Variants in B3GAT1 observed in about 807,000 individuals in gnomAD.
B3GAT1 encodes the protein galactosylgalactosylxylosylprotein 3-beta-glucuronosyltransferase 1.
In B3GAT1, 11 loss-of-function variants were observed where a neutral mutation model predicts 28.4. The observed-to-expected ratio is 0.39, with a 90% CI of 0.24 to 0.64. The LOEUF (loss-of-function observed/expected upper bound fraction) is 0.64, where lower values mean the gene tolerates loss of function less well. Among genes scored for constraint, B3GAT1 ranks in the 30% least tolerant of loss-of-function variants. The pLI, the probability that B3GAT1 is intolerant of heterozygous loss-of-function variation, is 0.50. For synonymous variants in B3GAT1, 255 were observed against 223.1 expected, an observed-to-expected ratio of 1.14 and a Z score of -1.27; for missense variants, 375 against 491.0, an observed-to-expected ratio of 0.76 and a Z score of 2.23.
In B3GAT1 at chr11:134,384,207, G is replaced by T; in HGVS notation, c.113-19C>A. Reference sequence around the variant, plus strand: ...CCCTCATCTGCGGAGTCGGGAGACCGGCGATGTGGGAGGAGAGCGCCGGCT... The same window carrying T: ...CCCTCATCTGCGGAGTCGGGAGACCTGCGATGTGGGAGGAGAGCGCCGGCT... On this transcript the variant is annotated intron_variant, in intron 2 of 5. Transcript: ENST00000312527. 1 of 1,521,618 alleles carries T rather than the reference G, an allele frequency of 6.6e-7. No homozygotes were observed. The highest frequency in any genetic ancestry group is 8.8e-7 in the Non-Finnish European group (1 of 1,136,186). 94.3% of individuals were successfully genotyped at this position (1,521,618 alleles called of 1,614,324 possible). A position where few individuals can be genotyped will look rare whatever the true frequency, so the allele number is the denominator to read the frequency against.
intron 4 of B3GAT1, among the ~76,000 whole-genome samples, chr11:134,382,277 A>G (rs1944145284): frequency 6.6e-6 from 1 of 151,636 alleles, no homozygotes; most frequent in South Asian, 2.1e-4. Context: ...GTCTAGAACT[A>G]CAGAAAAGAG....
chr11:134,407,867 G>C (rs1371587010), intron 1 of B3GAT1, among the ~76,000 whole-genome samples: 2 of 152,156 alleles, frequency 1.3e-5, no homozygotes, highest in African/African-American at 4.8e-5. Context: ...TAAGTGCTTG[G>C]TCAGTGTTGG....
intron 1 of B3GAT1, among the ~76,000 whole-genome samples, chr11:134,398,201 C>T (rs116503076): frequency 0.015 from 2,326 of 152,310 alleles, 49 homozygotes; most frequent in African/African-American, 0.05. Flanking sequence ...GGCCGGCACC[C>T]CGTGAGTCAG....
At chr11:134,385,165 C>G (rs939532328) in intron 2 of B3GAT1, 2 of 152,248 alleles carry the variant, frequency 1.3e-5, no homozygotes, top group African/African-American at 4.8e-5. Flanking sequence ...AATGAGTCCA[C>G]AAGGGCTGAG....
In B3GAT1 at chr11:134,403,921, C is replaced by T. The variant is rs535614118; in HGVS notation, c.-282+7886G>A. ...ATAGAGACAGAAACTAGGATGGTGG[C>T]TTGTGGGGGCTGGGATGTTGTGGAG... On this transcript the variant is annotated intron_variant, in intron 1 of 5. Coordinates refer to ENST00000312527, the MANE Select transcript of B3GAT1 (RefSeq NM_054025.3). 8.5e-5 allele frequency among the ~76,000 whole-genome samples: 12 copies of T among 140,438 alleles called. No individual in the cohort carries two copies. The East Asian group carries it at 2.4e-3, about 28-fold the overall frequency. 92.1% of individuals were successfully genotyped at this position (140,438 alleles called of 152,430 possible).
At chr11:134,383,396 T>A (rs1944181806) in intron 3 of B3GAT1, among the ~76,000 whole-genome samples, 1 of 152,048 alleles carries the variant, frequency 6.6e-6, no homozygotes, top group Admixed American at 6.5e-5. Flanking sequence ...AGGTTTCTGG[T>A]AGTCACGCAG....
chr11:134,386,943 A>C (rs1481407749), intron 2 of B3GAT1: 1 of 153,248 alleles, frequency 6.5e-6, no homozygotes, highest in Non-Finnish European at 1.5e-5. Flanking sequence ...CACACTTTTC[A>C]TATGCAAACT....
At chr11:134,381,805 G>T in intron 5 of B3GAT1, 119 bp downstream of exon 5, 1 of 785,264 alleles carries the variant, frequency 1.3e-6, no homozygotes, top group Non-Finnish European at 2.1e-6. Context: ...CTCCACTCCT[G>T]CCCACATCTG....
intron 1 of B3GAT1, among the ~76,000 whole-genome samples, chr11:134,407,955 G>C (rs548224000): frequency 2.6e-4 from 39 of 149,766 alleles, no homozygotes; most frequent in African/African-American, 9.8e-4. Flanking sequence ...TCACAGATCT[G>C]GAATTTTGGT....
rs1591642118 is a variant in B3GAT1 at position 134,393,518 on chromosome 11, C to T, written c.-281-5578G>A. On this transcript the variant is annotated intron_variant, in intron 1 of 5. Coordinates refer to ENST00000312527, the MANE Select transcript of B3GAT1 (RefSeq NM_054025.3). The surrounding 1 kb of genome is among the most constrained non-coding windows in gnomAD (Gnocchi z 4.0). Reference sequence around the variant, plus strand: ...CACTTGGTGAGCAGTCTGAGTGTAGCACCCTTTAGAATATGACTTTTCCCT... The same window carrying T: ...CACTTGGTGAGCAGTCTGAGTGTAGTACCCTTTAGAATATGACTTTTCCCT... Among the ~76,000 whole-genome samples, 2 of 152,362 alleles carry T rather than the reference C, an allele frequency of 1.3e-5. No individual in the cohort carries two copies. The highest frequency in any genetic ancestry group is 3.9e-4 in the East Asian group (2 of 5,190).
In B3GAT1 at chr11:134,405,315, T is replaced by C. The variant is rs534492941; in HGVS notation, c.-282+6492A>G. 2.0e-5 allele frequency among the ~76,000 whole-genome samples: 3 copies of C among 152,262 alleles called. No individual in the cohort carries two copies. The East Asian group carries it at 5.8e-4, about 29-fold the overall frequency. ...CTACGGGGACCCAGAGGGCTTCAGG[T>C]CCGGGCTAGGTAGGCACCGGGCAGC... is the stretch of plus-strand genomic sequence containing the variant. On this transcript the variant is annotated intron_variant, in intron 1 of 5. Transcript: ENST00000312527.
chr11:134,382,409 ATG>A (rs3065378), intron 4 of B3GAT1, among the ~76,000 whole-genome samples: 93,781 of 152,048 alleles, frequency 0.62, 30,431 homozygotes, highest in East Asian at 0.87. Flanking sequence ...GTGCATCTGC[ATG>A]TGTGTGTGCG....
Position 134,382,623 on chromosome 11 carries a change from C to T in B3GAT1, c.918+87G>A, listed in dbSNP as rs576517113. On this transcript the variant is annotated intron_variant, in intron 4 of 5. Transcript: ENST00000312527. ...CAGAAAGCCCAGGCTATTTTGAGGC[C>T]TCTGTTTCCTTCTCCCGATCTGTAG... The T allele has an allele frequency of 7.4e-5, 110 of 1,491,734 alleles. No homozygotes were observed. The African/African-American group carries it at 1.3e-3, about 18-fold the overall frequency. 92.4% of individuals were successfully genotyped at this position (1,491,734 alleles called of 1,614,324 possible). A position where few individuals can be genotyped will look rare whatever the true frequency, so the allele number is the denominator to read the frequency against.
intron 1 of B3GAT1, among the ~76,000 whole-genome samples, chr11:134,403,012 A>G (rs1356873332): frequency 1.3e-5 from 2 of 151,700 alleles, no homozygotes; most frequent in Admixed American, 1.3e-4. Context: ...ACAGCAGAGG[A>G]GGTGTGGGTG....
chr11:134,404,648 A>G (rs933656609), intron 1 of B3GAT1, among the ~76,000 whole-genome samples: 2 of 152,042 alleles, frequency 1.3e-5, no homozygotes, highest in Admixed American at 1.3e-4. Context: ...TGCCTGCGGG[A>G]GGCCCCCCTC....
chr11:134,395,884 T>C (rs1277861267), intron 1 of B3GAT1, among the ~76,000 whole-genome samples: 1 of 152,196 alleles, frequency 6.6e-6, no homozygotes, highest in African/African-American at 2.4e-5. Flanking sequence ...TGCGAAGTAT[T>C]GGCAGGGCTG....
intron 1 of B3GAT1, among the ~76,000 whole-genome samples, chr11:134,402,407 G>T (rs1173079379): frequency 6.6e-6 from 1 of 152,018 alleles, no homozygotes; most frequent in Non-Finnish European, 1.5e-5. Context: ...CTTGTCCATG[G>T]GGCTCTAGGG....
At chr11:134,390,456 G>A (rs1944386157) in intron 1 of B3GAT1, 1 of 152,242 alleles carries the variant, frequency 6.6e-6, no homozygotes, top group African/African-American at 2.4e-5. Flanking sequence ...AAGTGCTCCT[G>A]GTGTTGGTGC....
intron 1 of B3GAT1, among the ~76,000 whole-genome samples, chr11:134,408,314 T>C (rs61908708): frequency 5.8e-4 from 42 of 72,662 alleles, no homozygotes; most frequent in Admixed American, 9.5e-4. Context: ...CCTGCACCGA[T>C]TCCAGTGGGG....
Sources: allele counts gnomAD v4.1 joint callset (sites outside exome capture counted in the v4.1 genomes callset), GRCh38; gene constraint gnomAD v4.1.1; non-coding constraint Gnocchi (gnomAD v3.1); transcripts MANE v1.5; gene names NCBI Gene and HGNC (gene_info 2026-07-23, HGNC 2026-07-21).